CA2: variants seen among roughly 807,000 people sequenced by gnomAD.
CA2 encodes carbonic anhydrase 2, also known as carbonate dehydratase II.
CA2 carries 23 observed loss-of-function variants against 27.8 expected under a neutral mutation model. The observed-to-expected ratio is 0.83, with a 90% CI of 0.59 to 1.17. The LOEUF is 1.17. Among genes scored for constraint, CA2 ranks in the 50% most tolerant of loss-of-function variants. CA2 has a pLI of 0.00. For missense variants in CA2, 300 were observed against 314.7 expected, an observed-to-expected ratio of 0.95 and a Z score of 0.35; for synonymous variants, 99 against 114.9, an observed-to-expected ratio of 0.86 and a Z score of 0.88.
chr8:85,474,446 C>T (rs1050690025), intron 4 of CA2, 30 bp downstream of exon 4: 86 of 1,471,196 alleles, frequency 5.8e-5, no homozygotes, highest in Non-Finnish European at 7.8e-5. Context: ...CTTTTTTTTC[C>T]CTATTTTTAA....
chr8:85,480,792 T>A lies in CA2; in HGVS notation c.*3T>A, dbSNP rs1177738528. 1 of 1,613,620 alleles carries A rather than the reference T, an allele frequency of 6.2e-7. No individual in the cohort carries two copies. The highest frequency in any genetic ancestry group is 8.5e-7 in the Non-Finnish European group (1 of 1,179,750). ...AAATCAAAGCTTCCTTCAAATAAGA[T>A]GGTCCCATAGTCTGTATCCAAATAA... On this transcript the variant is annotated 3_prime_UTR_variant, in exon 7 of 7. Transcript: ENST00000285379.
chr8:85,468,850 T>A (rs11304499), intron 2 of CA2, among the ~76,000 whole-genome samples: 73,706 of 148,218 alleles, frequency 0.5, 19,999 homozygotes, highest in Middle Eastern at 0.64. Context: ...TTTTTTTTTT[T>A]AAATAAAACA....
chr8:85,468,907 A>C (rs976429699), intron 2 of CA2, among the ~76,000 whole-genome samples: 6 of 152,124 alleles, frequency 3.9e-5, no homozygotes, highest in Non-Finnish European at 8.8e-5. Flanking sequence ...TACTCTAGTT[A>C]AACTCACCTT....
intron 2 of CA2, among the ~76,000 whole-genome samples, chr8:85,469,078 T>C (rs534065336): frequency 6.6e-6 from 1 of 152,310 alleles, no homozygotes; most frequent in South Asian, 2.1e-4. Flanking sequence ...ATACATACCA[T>C]GTTTTTTAAA....
Position 85,475,797 on chromosome 8 carries a change from G to A in CA2, c.445-1G>A. On this transcript the variant is annotated splice_acceptor_variant, in intron 4 of 6. Coordinates refer to ENST00000285379, the MANE Select transcript of CA2 (RefSeq NM_000067.3). LOFTEE classifies it high-confidence loss of function. ...ATCTTGCCCTTTATGTTTTTCTTTA[G>A]GTTGGCAGCGCTAAACCGGGCCTTC... The A allele has an allele frequency of 6.2e-7, 1 of 1,613,814 alleles. No individual in the cohort carries two copies. The highest frequency in any genetic ancestry group is 8.5e-7 in the Non-Finnish European group (1 of 1,179,774).
intron 2 of CA2, among the ~76,000 whole-genome samples, chr8:85,468,400 T>A (rs1811660751): frequency 6.6e-6 from 1 of 152,222 alleles, no homozygotes; most frequent in East Asian, 1.9e-4. Context: ...TAAACAAGAA[T>A]GCAGAATATA....
intron 2 of CA2, among the ~76,000 whole-genome samples, chr8:85,468,492 C>T (rs999792286): frequency 2.6e-5 from 4 of 152,232 alleles, no homozygotes; most frequent in African/African-American, 9.6e-5. Flanking sequence ...GGCACGGTGG[C>T]TCACGCCTGT....
chr8:85,471,589 A>T (rs1275828717), intron 2 of CA2, among the ~76,000 whole-genome samples: 10 of 152,278 alleles, frequency 6.6e-5, no homozygotes, highest in Non-Finnish European at 1.5e-5. Flanking sequence ...GAAAGAAGAT[A>T]CATTTAGAAA....
chr8:85,474,873 C>T (rs1811768189), intron 4 of CA2, among the ~76,000 whole-genome samples: 1 of 152,104 alleles, frequency 6.6e-6, no homozygotes, highest in Non-Finnish European at 1.5e-5. Context: ...AGCTCTGATT[C>T]ATATGTTGAG....
rs747254596 is a variant in CA2 at position 85,473,822 on chromosome 8, CTTT to C, written c.351+19_351+21del. The C allele has an allele frequency of 2.3e-6, 3 of 1,292,328 alleles. No homozygotes were observed. In the Admixed American group the frequency reaches 5.3e-5, roughly 23 times the overall value. The allele number at this position is 1,292,328 out of a possible 1,614,324, so 80.1% of individuals were successfully genotyped here. A position where few individuals can be genotyped will look rare whatever the true frequency, so the allele number is the denominator to read the frequency against. ...AAATATGCTGCAGAAGTAAGATATA[CTTT>C]TTTTTTTCTTTCCAGGGAAAAATGT... On this transcript the variant is annotated intron_variant, in intron 3 of 6. Coordinates refer to ENST00000285379, the MANE Select transcript of CA2 (RefSeq NM_000067.3).
rs140653628 is a variant in CA2, at chr8:85,480,806, G to C, written c.*17G>C. The C allele has an allele frequency of 6.2e-7, 1 of 1,613,096 alleles. No individual in the cohort carries two copies. The highest frequency in any genetic ancestry group is 8.5e-7 in the Non-Finnish European group (1 of 1,179,342). ...TTCAAATAAGATGGTCCCATAGTCT[G>C]TATCCAAATAATGAATCTTCGGGTG... is the stretch of plus-strand genomic sequence containing the variant. On this transcript the variant is annotated 3_prime_UTR_variant, in exon 7 of 7. Transcript: ENST00000285379.
chr8:85,465,205 C>T, intron 1 of CA2, 67 bp from the exon 2 acceptor site: 2 of 1,301,478 alleles, frequency 1.5e-6, no homozygotes, highest in South Asian at 2.4e-5. Flanking sequence ...GGAATGATTG[C>T]TCTTCTCTAG....
In CA2 at chr8:85,481,062, C is replaced by T. The variant is rs1301066236; in HGVS notation, c.*273C>T. The T allele has an allele frequency of 2.4e-6, 1 of 409,028 alleles. No homozygotes were observed. Among genetic ancestry groups the T allele is most frequent in the Non-Finnish European group, 4.6e-6 (1 of 217,452 alleles). The allele number at this position is 409,028 out of a possible 1,614,324, so 25.3% of individuals were successfully genotyped here. ...AAGAAATAAGAATAAAGTACCTTGA[C>T]TTTGTTCACAGCATGTAGGGTGATG... On this transcript the variant is annotated 3_prime_UTR_variant, in exon 7 of 7. Transcript: ENST00000285379.
At chr8:85,466,977 A>G (rs935559130) in intron 2 of CA2, among the ~76,000 whole-genome samples, 4 of 152,230 alleles carry the variant, frequency 2.6e-5, no homozygotes, top group African/African-American at 9.6e-5. Flanking sequence ...TTACAAACCA[A>G]AAGAAGTGAG....
intron 2 of CA2, among the ~76,000 whole-genome samples, chr8:85,466,663 CACAT>C (rs948250124): frequency 1.2e-4 from 12 of 101,332 alleles, no homozygotes; most frequent in Non-Finnish European, 1.6e-4. Context: ...CCCCAGTACA[CACAT>C]ACATACATAC....
intron 2 of CA2, among the ~76,000 whole-genome samples, chr8:85,468,479 A>G (rs765013924): frequency 1.3e-5 from 2 of 152,166 alleles, no homozygotes; most frequent in Non-Finnish European, 2.9e-5. Flanking sequence ...CATGTGGGGG[A>G]CAGGCACGGT....
chr8:85,478,158 G>T (rs2130565828), intron 6 of CA2, among the ~76,000 whole-genome samples: 1 of 152,342 alleles, frequency 6.6e-6, no homozygotes, highest in East Asian at 1.9e-4. Flanking sequence ...CAGGAAAATT[G>T]AAGTGTTTTC....
intron 3 of CA2, chr8:85,474,062 A>C (rs1811750140): frequency 1.7e-6 from 1 of 605,352 alleles, no homozygotes. Flanking sequence ...ATCCTGTTTT[A>C]ACAGAAATTT....
chr8:85,479,873 C>T (rs149996004), intron 6 of CA2, among the ~76,000 whole-genome samples: 3 of 152,164 alleles, frequency 2.0e-5, no homozygotes, highest in East Asian at 3.9e-4. Flanking sequence ...AATTCATTTC[C>T]GTGTTTTTGT....
Sources: gnomAD v4.1 joint callset for allele counts (sites outside exome capture counted in the v4.1 genomes callset) on GRCh38, gnomAD v4.1.1 for gene constraint, MANE v1.5 for transcripts, NCBI Gene and HGNC (gene_info 2026-07-23, HGNC 2026-07-21) for gene names.